Variants in NTS observed in about 807,000 individuals in gnomAD.
NTS encodes the protein neurotensin.
Under a neutral mutation model 19.5 loss-of-function variants are expected in NTS, and 20 were observed. That is an observed-to-expected ratio of 1.02 (90% confidence interval 0.72 to 1.49). The LOEUF is 1.49. Ranked by LOEUF, NTS falls within the 40% of genes most tolerant of loss-of-function variation. The pLI is 0.00. For missense variants in NTS, 215 were observed against 193.1 expected (o/e 1.11, Z -0.67); for synonymous variants, 71 against 63.3 (o/e 1.12, Z -0.58).
chr12:85,880,454 G>A (rs1307391590), intron 3 of NTS, among the ~76,000 whole-genome samples: 1 of 152,134 alleles, frequency 6.6e-6, no homozygotes, highest in Non-Finnish European at 1.5e-5. Flanking sequence ...TTGGGGATCT[G>A]AGGGTGTCTT....
intron 2 of NTS, 78 bp from the exon 3 acceptor site, chr12:85,878,267 G>A: frequency 2.0e-6 from 2 of 1,009,078 alleles, no homozygotes; most frequent in Non-Finnish European, 2.9e-6. Flanking sequence ...TAAATGTGAT[G>A]GTTTAGCACA....
chr12:85,874,584 A>C, intron 1 of NTS, 108 bp downstream of exon 1: 1 of 682,964 alleles, frequency 1.5e-6, no homozygotes, highest in Non-Finnish European at 2.6e-6. Flanking sequence ...GCTCCCTTTT[A>C]TTCAGGATTT....
In NTS at chr12:85,878,454, A is replaced by G; in HGVS notation, c.245A>G (p.Glu82Gly). ...AEETGEVHEE[E>G]LVARRKLPTA... ...GAAACAGGAGAAGTTCATGAAGAGGAGCTTGTTGCAAGAAGGAAACTTCCT... is the reference window on the plus strand; with the variant it reads ...GAAACAGGAGAAGTTCATGAAGAGGGGCTTGTTGCAAGAAGGAAACTTCCT... Residue 82 changes from glutamate (E) to glycine (G), a missense_variant, in exon 3 of 4, where the codon GAG becomes GGG. Physicochemically the swap from Glu to Gly is moderately conservative, Grantham distance 98. Coordinates refer to ENST00000256010, the MANE Select transcript of NTS (RefSeq NM_006183.5). The G allele has an allele frequency of 6.2e-7, 1 of 1,613,854 alleles. No homozygotes were observed. Among genetic ancestry groups the G allele is most frequent in the Non-Finnish European group, 8.5e-7 (1 of 1,179,846 alleles).
intron 3 of NTS, among the ~76,000 whole-genome samples, chr12:85,881,168 C>T (rs1355754700): frequency 2.6e-5 from 4 of 152,022 alleles, no homozygotes; most frequent in African/African-American, 9.7e-5. Context: ...CAAGTAATTA[C>T]AGACTATGCA....
At chr12:85,874,618 T>C in intron 1 of NTS, 142 bp downstream of exon 1, 1 of 531,440 alleles carries the variant, frequency 1.9e-6, no homozygotes, top group Middle Eastern at 4.3e-4. Flanking sequence ...AGAAACTGAG[T>C]ATCTCTTTCT....
At chr12:85,876,563 A>T in intron 1 of NTS, 77 bp from the exon 2 acceptor site, 1 of 846,208 alleles carries the variant, frequency 1.2e-6, no homozygotes, top group Non-Finnish European at 1.8e-6. Flanking sequence ...TTTTTTTTAG[A>T]TTAACCTAAA....
At chr12:85,878,938 G>C (rs979750444) in intron 3 of NTS, among the ~76,000 whole-genome samples, 1 of 151,462 alleles carries the variant, frequency 6.6e-6, no homozygotes, top group Non-Finnish European at 1.5e-5. Flanking sequence ...GTCATATGTA[G>C]TGATCTATAA....
At chr12:85,880,283 T>C (rs1310961167) in intron 3 of NTS, among the ~76,000 whole-genome samples, 1 of 152,042 alleles carries the variant, frequency 6.6e-6, no homozygotes, top group African/African-American at 2.4e-5. Context: ...TGGAAAGATA[T>C]AGAACAATGT....
At position 85,882,624 on chromosome 12, in the gene NTS, A is replaced by G. The variant is rs1398315487; in HGVS notation, c.*249A>G. Reference sequence around the variant, plus strand: ...TAAGTCACCTGTATAATGTTTTGTAATTTTGCAAAACATATCTTGAGTTGT... The same window carrying G: ...TAAGTCACCTGTATAATGTTTTGTAGTTTTGCAAAACATATCTTGAGTTGT... On this transcript the variant is annotated 3_prime_UTR_variant, in exon 4 of 4. Transcript: ENST00000256010. 1.3e-5 allele frequency: 4 copies of G among 309,742 alleles called. No individual in the cohort carries two copies. The highest frequency in any genetic ancestry group is 2.3e-5 in the Non-Finnish European group (4 of 170,822). The allele number at this position is 309,742 out of a possible 1,614,324, so 19.2% of individuals were successfully genotyped here.
At chr12:85,881,656 T>C (rs1395628003) in intron 3 of NTS, among the ~76,000 whole-genome samples, 1 of 152,182 alleles carries the variant, frequency 6.6e-6, no homozygotes, top group African/African-American at 2.4e-5. Flanking sequence ...TCCCATATGT[T>C]GATTTCTACA....
chr12:85,876,831 G>GAA (rs34324813), intron 2 of NTS, 130 bp downstream of exon 2: 395 of 420,496 alleles, frequency 9.4e-4, no homozygotes, highest in Non-Finnish European at 1.1e-3. Flanking sequence ...TTTCCTTTTT[G>GAA]AAAAAAAAAA....
intron 3 of NTS, among the ~76,000 whole-genome samples, chr12:85,881,242 T>C (rs1881496061): frequency 6.6e-6 from 1 of 152,136 alleles, no homozygotes; most frequent in African/African-American, 2.4e-5. Flanking sequence ...CCTCTGAAAT[T>C]GAATAGCTGT....
intron 1 of NTS, among the ~76,000 whole-genome samples, chr12:85,876,213 T>C (rs1340000327): frequency 6.6e-6 from 1 of 151,968 alleles, no homozygotes; most frequent in African/African-American, 2.4e-5. Flanking sequence ...TTTGGTTTTG[T>C]CTTGAAAAAG....
At chr12:85,877,041 G>A (rs1219414374) in intron 2 of NTS, among the ~76,000 whole-genome samples, 1 of 152,024 alleles carries the variant, frequency 6.6e-6, no homozygotes, top group Non-Finnish European at 1.5e-5. Context: ...TGAAAACAAA[G>A]TGAGCTCTTT....
At position 85,882,287 on chromosome 12, in the gene NTS, G is replaced by T. The variant is rs1391465929; in HGVS notation, c.425G>T (p.Arg142Ile). 6.2e-7 allele frequency: 1 copy of T among 1,608,832 alleles called. No individual in the cohort carries two copies. Among genetic ancestry groups the T allele is most frequent in the Non-Finnish European group, 8.5e-7 (1 of 1,177,630 alleles). Residue 142 changes from arginine (R) to isoleucine (I), a missense_variant, in exon 4 of 4, where the codon AGA (arginine) becomes ATA (isoleucine). Transcript: ENST00000256010. ...AATGGAAAGGAAGAAGTCATAAAGA[G>T]AAAAATTCCTTATATTCTGAAACGG... ...DKNGKEEVIK[R>I]KIPYILKRQL...
At chr12:85,879,946 AAAGT>A (rs954694114) in intron 3 of NTS, among the ~76,000 whole-genome samples, 4 of 148,670 alleles carry the variant, frequency 2.7e-5, no homozygotes, top group Non-Finnish European at 4.5e-5. Context: ...GGTTAGTGCA[AAAGT>A]AATTGCAGTT....
intron 2 of NTS, chr12:85,878,139 A>G (rs2136591003): frequency 2.2e-6 from 1 of 447,336 alleles, no homozygotes; most frequent in Admixed American, 3.8e-5. Context: ...ATATGTGAAT[A>G]TAACTATTGC....
chr12:85,882,332 C>A lies in NTS; in HGVS notation c.470C>A (p.Pro157His), dbSNP rs1565771941. The A allele has an allele frequency of 6.2e-7, 1 of 1,603,286 alleles. No homozygotes were observed. The change falls in exon 4 of 4, where the codon CCC becomes CAC. Residue 157 changes from proline (P) to histidine (H), a missense_variant. Coordinates refer to ENST00000256010, the MANE Select transcript of NTS (RefSeq NM_006183.5). ...AAACGGCAGCTGTATGAGAATAAAC[C>A]CAGAAGACCCTACATACTCAAAAGA... ...ILKRQLYENKPRRPYILKRDS... is the reference protein window; with the variant it reads ...ILKRQLYENKHRRPYILKRDS...
intron 1 of NTS, among the ~76,000 whole-genome samples, chr12:85,874,862 A>C (rs1881303167): frequency 6.6e-6 from 1 of 152,142 alleles, no homozygotes; most frequent in Admixed American, 6.6e-5. Flanking sequence ...TTTTACTCTC[A>C]TCCTCATTCA....
Sources: gnomAD v4.1 joint callset for allele counts (sites outside exome capture counted in the v4.1 genomes callset) on GRCh38, gnomAD v4.1.1 for gene constraint, MANE v1.5 for transcripts, NCBI Gene and HGNC (gene_info 2026-07-23, HGNC 2026-07-21) for gene names.